The following C12orf56 variants were observed in gnomAD, a reference collection of about 807,000 sequenced individuals.
The protein encoded by C12orf56 is uncharacterized protein C12orf56.
C12orf56 carries 71 observed loss-of-function variants against 69.9 expected under a neutral mutation model. The observed-to-expected ratio is 1.02, with a 90% CI of 0.84 to 1.24. The LOEUF (loss-of-function observed/expected upper bound fraction) is 1.24, where lower values mean the gene tolerates loss of function less well. Ranked by LOEUF, C12orf56 falls within the 50% of genes most tolerant of loss-of-function variation. The probability of loss-of-function intolerance (pLI) is 0.00; values close to 1 mark genes in which losing one functional copy is unlikely to be tolerated. For missense variants in C12orf56, 732 were observed against 738.5 expected (o/e 0.99, Z 0.10); for synonymous variants, 276 against 274.1 (o/e 1.01, Z -0.07).
At chr12:64,303,155 T>A (rs548487774) in intron 6 of C12orf56, among the ~76,000 whole-genome samples, 87 of 151,870 alleles carry the variant, frequency 5.7e-4, no homozygotes, top group African/African-American at 1.8e-3. Context: ...GCGCCTGTAA[T>A]CCCAGCTACT....
intron 1 of C12orf56, among the ~76,000 whole-genome samples, chr12:64,353,574 G>A (rs1356947811): frequency 6.6e-6 from 1 of 151,760 alleles, no homozygotes; most frequent in African/African-American, 2.4e-5. Context: ...AAATGTGCTC[G>A]ACAACAGAAC....
chr12:64,385,387 A>G (rs2039775847), intron 1 of C12orf56, among the ~76,000 whole-genome samples: 1 of 152,126 alleles, frequency 6.6e-6, no homozygotes, highest in African/African-American at 2.4e-5. Context: ...TGTGAAGGGA[A>G]TAGAATTTTA....
intron 6 of C12orf56, among the ~76,000 whole-genome samples, chr12:64,301,405 A>G (rs1026626472): frequency 6.6e-6 from 1 of 152,102 alleles, no homozygotes. Flanking sequence ...GGCCGCCACA[A>G]ACAAGTTTAT....
At chr12:64,377,585 A>G (rs2135980788) in intron 1 of C12orf56, among the ~76,000 whole-genome samples, 1 of 152,274 alleles carries the variant, frequency 6.6e-6, no homozygotes, top group Admixed American at 6.5e-5. Context: ...TTGGTTTCCC[A>G]TATTTTGTGA....
intron 6 of C12orf56, among the ~76,000 whole-genome samples, chr12:64,302,052 G>A (rs2038453247): frequency 6.6e-6 from 1 of 152,134 alleles, no homozygotes; most frequent in Non-Finnish European, 1.5e-5. Context: ...TACTGTGTGT[G>A]GGGTGGACTG....
intron 1 of C12orf56, among the ~76,000 whole-genome samples, chr12:64,354,140 A>G (rs1016004693): frequency 2.6e-5 from 4 of 152,252 alleles, no homozygotes; most frequent in African/African-American, 9.6e-5. Flanking sequence ...ACTACTGGAA[A>G]TGTCCTTCTC....
chr12:64,320,517 A>G (rs2038757340), intron 3 of C12orf56, among the ~76,000 whole-genome samples: 2 of 151,880 alleles, frequency 1.3e-5, no homozygotes, highest in African/African-American at 4.8e-5. Flanking sequence ...TACTCTTCTG[A>G]TTTTCCCAAT....
At chr12:64,285,280 A>C (rs896520693) in intron 7 of C12orf56, among the ~76,000 whole-genome samples, 66 of 152,296 alleles carry the variant, frequency 4.3e-4, no homozygotes, top group African/African-American at 1.5e-3. Flanking sequence ...AGTTTTTAGG[A>C]TAATCAGACA....
chr12:64,326,690 A>G (rs2038846262), intron 3 of C12orf56, among the ~76,000 whole-genome samples: 1 of 151,964 alleles, frequency 6.6e-6, no homozygotes, highest in Non-Finnish European at 1.5e-5. Context: ...CAGTGAGCCA[A>G]GATTGAGCCA....
chr12:64,273,577 A>G (rs1180784179), intron 11 of C12orf56, among the ~76,000 whole-genome samples: 1 of 152,192 alleles, frequency 6.6e-6, no homozygotes, highest in African/African-American at 2.4e-5. Context: ...ATCAGTCGTG[A>G]TGGACTAGAT....
At position 64,390,354 on chromosome 12, in the gene C12orf56, C is replaced by T. The variant is rs771908079; in HGVS notation, c.212G>A (p.Arg71Gln). The T allele has an allele frequency of 3.7e-6, 6 of 1,612,328 alleles. No homozygotes were observed. The South Asian group carries it at 6.6e-5, about 18-fold the overall frequency. ...YLTENPPKSI[R>Q]RVVALRDVVA... ...GACGTCCCGCAGAGCCACTACCCGC[C>T]GGATGGACTTGGGCGGGTTCTCGGT... Residue 71 changes from arginine (R) to glutamine (Q), a missense_variant, in exon 1 of 13, where the codon CGG becomes CAG. Transcript: ENST00000543942.
chr12:64,362,528 C>T (rs2039412680), intron 1 of C12orf56, among the ~76,000 whole-genome samples: 1 of 152,086 alleles, frequency 6.6e-6, no homozygotes, highest in Non-Finnish European at 1.5e-5. Context: ...CCCATCTCTA[C>T]TAAAAACACA....
At chr12:64,293,685 A>G (rs2038327033) in intron 6 of C12orf56, among the ~76,000 whole-genome samples, 1 of 152,226 alleles carries the variant, frequency 6.6e-6, no homozygotes. Context: ...ATTTTCACTT[A>G]TAAAATATCA....
At chr12:64,358,780 T>C (rs1024789197) in intron 1 of C12orf56, among the ~76,000 whole-genome samples, 2 of 152,016 alleles carry the variant, frequency 1.3e-5, no homozygotes, top group Non-Finnish European at 1.5e-5. Flanking sequence ...GGCGACACAG[T>C]GAGACTCCAT....
At chr12:64,310,011 T>A (rs1248109943) in intron 5 of C12orf56, among the ~76,000 whole-genome samples, 1 of 80,216 alleles carries the variant, frequency 1.2e-5, no homozygotes, top group African/African-American at 4.0e-5. Context: ...CACTTCACCT[T>A]TTTTTTTTAA....
intron 12 of C12orf56, among the ~76,000 whole-genome samples, chr12:64,268,545 TAGG>T (rs1314705319): frequency 1.3e-5 from 2 of 152,118 alleles, no homozygotes; most frequent in Non-Finnish European, 2.9e-5. Context: ...TTCCAGGGGT[TAGG>T]AGGAGGAGAA....
intron 3 of C12orf56, among the ~76,000 whole-genome samples, chr12:64,324,827 G>A (rs2038817498): frequency 6.6e-6 from 1 of 152,172 alleles, no homozygotes; most frequent in Admixed American, 6.5e-5. Context: ...AGAGGTGATA[G>A]TGGAGTTTTG....
chr12:64,364,983 T>C (rs139868598), intron 1 of C12orf56, among the ~76,000 whole-genome samples: 180 of 152,200 alleles, frequency 1.2e-3, no homozygotes, highest in Admixed American at 2.7e-3. Context: ...TCTATCCTTG[T>C]GGCCAGATCC....
At chr12:64,330,271 T>C (rs1164032338) in intron 3 of C12orf56, among the ~76,000 whole-genome samples, 1 of 152,232 alleles carries the variant, frequency 6.6e-6, no homozygotes, top group African/African-American at 2.4e-5. Context: ...AAAGTCTTCA[T>C]CTGGACTTTT....
Sources: gnomAD v4.1 joint callset for allele counts (sites outside exome capture counted in the v4.1 genomes callset) on GRCh38, gnomAD v4.1.1 for gene constraint, MANE v1.5 for transcripts, NCBI Gene and HGNC (gene_info 2026-07-23, HGNC 2026-07-21) for gene names.